Variants in EPB41L4A observed in about 807,000 individuals in gnomAD.
EPB41L4A encodes the protein band 4.1-like protein 4A.
A neutral mutation model predicts 108.6 loss-of-function variants in EPB41L4A; 100 were observed. The observed-to-expected ratio is 0.92, with a 90% CI of 0.78 to 1.09. The LOEUF (loss-of-function observed/expected upper bound fraction) is 1.09. Among genes scored for constraint, EPB41L4A ranks in the 50% least tolerant of loss-of-function variants. EPB41L4A has a pLI of 0.00. For synonymous variants in EPB41L4A, 319 were observed against 289.0 expected, an observed-to-expected ratio of 1.10 and a Z score of -1.05; for missense variants, 1,030 against 842.7, an observed-to-expected ratio of 1.22 and a Z score of -2.75.
intron 1 of EPB41L4A, among the ~76,000 whole-genome samples, chr5:112,382,173 G>A (rs951206355): frequency 6.6e-6 from 1 of 152,086 alleles, no homozygotes; most frequent in African/African-American, 2.4e-5. Context: ...GGAAGAGAAA[G>A]CTCTTTCCTT....
At chr5:112,233,988 C>T (rs993332051) in intron 12 of EPB41L4A, among the ~76,000 whole-genome samples, 3 of 151,486 alleles carry the variant, frequency 2.0e-5, no homozygotes, top group Non-Finnish European at 4.4e-5. Flanking sequence ...GCCATTGTGC[C>T]CAGCCAAGAT....
chr5:112,355,763 A>G (rs1198771959), intron 1 of EPB41L4A, among the ~76,000 whole-genome samples: 3 of 152,160 alleles, frequency 2.0e-5, no homozygotes, highest in African/African-American at 7.2e-5. Context: ...GAGATCTTAG[A>G]ACTGGAAACA....
At chr5:112,214,580 A>AATG in intron 12 of EPB41L4A, among the ~76,000 whole-genome samples, 1 of 152,062 alleles carries the variant, frequency 6.6e-6, no homozygotes, top group East Asian at 1.9e-4. Flanking sequence ...TGGCTAAAGC[A>AATG]GTGAAACCCC....
At chr5:112,230,497 T>A (rs530469861) in intron 12 of EPB41L4A, among the ~76,000 whole-genome samples, 1 of 152,234 alleles carries the variant, frequency 6.6e-6, no homozygotes, top group Admixed American at 6.5e-5. Flanking sequence ...TTGAGCATGT[T>A]TTCACATGTT....
At chr5:112,322,422 G>T (rs970132928) in intron 1 of EPB41L4A, among the ~76,000 whole-genome samples, 1 of 152,128 alleles carries the variant, frequency 6.6e-6, no homozygotes, top group Non-Finnish European at 1.5e-5. Context: ...TGCTACTAAG[G>T]AGAGCACTCT....
intron 1 of EPB41L4A, among the ~76,000 whole-genome samples, chr5:112,415,474 A>C (rs78191150): frequency 0.041 from 6,192 of 152,272 alleles, 442 homozygotes; most frequent in African/African-American, 0.14. Context: ...TGAAAATACT[A>C]ATCTATTTCA....
intron 1 of EPB41L4A, among the ~76,000 whole-genome samples, chr5:112,415,127 T>G (rs1429825068): frequency 6.6e-6 from 1 of 152,208 alleles, no homozygotes; most frequent in East Asian, 1.9e-4. Context: ...ATTGTAATTT[T>G]TGGTAAGTGA....
In EPB41L4A at chr5:112,371,968, T is replaced by A. The variant is rs769606854; in HGVS notation, c.99+46973A>T. 2.6e-5 allele frequency among the ~76,000 whole-genome samples: 4 copies of A among 152,134 alleles called. No homozygotes were observed. In the East Asian group the frequency reaches 7.7e-4, roughly 29 times the overall value. ...TACTCAGCAGGCTAAAATAGTAGGA[T>A]GGCTTGAGCCCAGGAGTTTAAGACC... On this transcript the variant is annotated intron_variant, in intron 1 of 22. Transcript: ENST00000261486.
At chr5:112,178,342 A>G (rs142743709) in intron 18 of EPB41L4A, among the ~76,000 whole-genome samples, 262 of 152,302 alleles carry the variant, frequency 1.7e-3, no homozygotes, top group African/African-American at 6.0e-3. Flanking sequence ...AAAAACAGAC[A>G]AATTGACAAT....
chr5:112,390,976 G>C (rs560308564), intron 1 of EPB41L4A, among the ~76,000 whole-genome samples: 2 of 152,338 alleles, frequency 1.3e-5, no homozygotes, highest in African/African-American at 4.8e-5. Context: ...CTGCAGCTGA[G>C]GGACCTGACT....
intron 1 of EPB41L4A, 114 bp from the exon 2 acceptor site, chr5:112,307,604 G>A: frequency 1.6e-6 from 1 of 607,540 alleles, no homozygotes; most frequent in Non-Finnish European, 2.8e-6. Context: ...AATTGTATCA[G>A]ACCATGGTTC....
At chr5:112,235,163 A>C (rs550540961) in intron 11 of EPB41L4A, among the ~76,000 whole-genome samples, 7 of 152,150 alleles carry the variant, frequency 4.6e-5, no homozygotes, top group Non-Finnish European at 2.9e-5. Flanking sequence ...ACCATCCCCC[A>C]CAAGACCACT....
chr5:112,419,766 AG>A (rs754636758), upstream of EPB41L4A: 53 of 456,618 alleles, frequency 1.2e-4, no homozygotes, highest in South Asian at 5.1e-4. Flanking sequence ...TACCCAGACC[AG>A]CGAGGGGAGG....
intron 2 of EPB41L4A, among the ~76,000 whole-genome samples, chr5:112,285,130 G>C (rs1012996093): frequency 3.3e-5 from 5 of 152,172 alleles, no homozygotes; most frequent in Non-Finnish European, 7.3e-5. Context: ...AGAGTTTGCT[G>C]CATCTTATTT....
intron 1 of EPB41L4A, among the ~76,000 whole-genome samples, chr5:112,381,915 C>T (rs1580796426): frequency 1.3e-5 from 2 of 152,340 alleles, no homozygotes; most frequent in South Asian, 2.1e-4. Flanking sequence ...GGTAACCTCC[C>T]CCTTTCAGGT....
intron 12 of EPB41L4A, among the ~76,000 whole-genome samples, chr5:112,154,166 A>G (rs1460852950): frequency 1.3e-5 from 2 of 152,194 alleles, no homozygotes; most frequent in East Asian, 1.9e-4. Flanking sequence ...CAATATTGCA[A>G]TCCCCAGAGA....
At chr5:112,206,825 T>C (rs908132302) in intron 13 of EPB41L4A, 1 of 152,176 alleles carries the variant, frequency 6.6e-6, no homozygotes, top group Non-Finnish European at 1.5e-5. Context: ...AGGAATGTGG[T>C]TGCAAAGGGG....
At chr5:112,375,344 C>T (rs984947439) in intron 1 of EPB41L4A, among the ~76,000 whole-genome samples, 1 of 150,684 alleles carries the variant, frequency 6.6e-6, no homozygotes, top group Non-Finnish European at 1.5e-5. Context: ...CATACACACA[C>T]ACACACACAC....
At chr5:112,290,140 T>G (rs1753554819) in intron 2 of EPB41L4A, among the ~76,000 whole-genome samples, 1 of 151,910 alleles carries the variant, frequency 6.6e-6, no homozygotes, top group African/African-American at 2.4e-5. Context: ...ATCTTTCAAT[T>G]TAGCATCATT....
Sources: gnomAD v4.1 joint callset for allele counts (sites outside exome capture counted in the v4.1 genomes callset) on GRCh38, gnomAD v4.1.1 for gene constraint, MANE v1.5 for transcripts, NCBI Gene and HGNC (gene_info 2026-07-23, HGNC 2026-07-21) for gene names.